Variants in DSCAM observed in about 807,000 individuals in gnomAD.
The protein encoded by DSCAM is DS cell adhesion molecule.
Under a neutral mutation model 217.7 loss-of-function variants are expected in DSCAM, and 47 were observed. The observed-to-expected ratio is 0.22, with a 90% CI of 0.17 to 0.28. The LOEUF (loss-of-function observed/expected upper bound fraction) is 0.28. Among genes scored for constraint, DSCAM ranks in the 10% least tolerant of loss-of-function variants. The probability of loss-of-function intolerance (pLI) is 1.00; values close to 1 mark genes in which losing one functional copy is unlikely to be tolerated. For synonymous variants in DSCAM, 1,056 were observed against 1,015.3 expected (o/e 1.04, Z -0.76); for missense variants, 2,080 against 2,618.3 (o/e 0.79, Z 4.49).
At chr21:40,061,585 AG>A (rs1320864692) in intron 28 of DSCAM, among the ~76,000 whole-genome samples, 4,680 of 92,058 alleles carry the variant, frequency 0.051, 151 homozygotes, top group African/African-American at 0.094. Flanking sequence ...AAAAAAAAAA[AG>A]AAAAAGGAAA....
At chr21:40,437,552 A>C (rs2075594011) in intron 3 of DSCAM, among the ~76,000 whole-genome samples, 1 of 152,204 alleles carries the variant, frequency 6.6e-6, no homozygotes, top group Admixed American at 6.5e-5. Context: ...AAGTTCACAG[A>C]CCTTAAAAGA....
At chr21:40,412,864 A>G (rs12482239) in intron 3 of DSCAM, among the ~76,000 whole-genome samples, 8,848 of 152,222 alleles carry the variant, frequency 0.058, 503 homozygotes, top group Admixed American at 0.17. Flanking sequence ...CACAGACCTG[A>G]AGGAAAAAGT....
chr21:40,509,601 C>A (rs985056339), intron 3 of DSCAM, among the ~76,000 whole-genome samples: 2 of 152,170 alleles, frequency 1.3e-5, no homozygotes, highest in Non-Finnish European at 2.9e-5. Flanking sequence ...TGAGGAAAAC[C>A]AGACACAGAC....
At chr21:40,472,935 G>A (rs1440585364) in intron 3 of DSCAM, among the ~76,000 whole-genome samples, 2 of 152,248 alleles carry the variant, frequency 1.3e-5, no homozygotes, top group African/African-American at 2.4e-5. Flanking sequence ...ACACAGCTGT[G>A]CACTTCATAT....
intron 1 of DSCAM, among the ~76,000 whole-genome samples, chr21:40,821,491 T>C (rs1208140928): frequency 6.6e-6 from 1 of 152,020 alleles, no homozygotes; most frequent in African/African-American, 2.4e-5. Context: ...TTCCCTAGGA[T>C]TCTGTGGCAA....
intron 3 of DSCAM, among the ~76,000 whole-genome samples, chr21:40,387,950 C>T (rs1204896446): frequency 1.3e-5 from 2 of 151,732 alleles, no homozygotes; most frequent in South Asian, 2.1e-4. Context: ...AATAAATCTA[C>T]AGAAATTACT....
At chr21:40,158,169 C>T (rs1392575396) in intron 16 of DSCAM, among the ~76,000 whole-genome samples, 1 of 152,048 alleles carries the variant, frequency 6.6e-6, no homozygotes, top group Admixed American at 6.5e-5. Flanking sequence ...AGGACCGCTG[C>T]AGGTCAGGAA....
At position 40,586,329 on chromosome 21, in the gene DSCAM, C is replaced by G. The variant is rs75573326; in HGVS notation, c.508+106481G>C. Among the ~76,000 whole-genome samples the G allele has an allele frequency of 2.9e-3, 442 of 152,300 alleles. 5 individuals carry two copies. The East Asian group carries it at 0.033, about 11-fold the overall frequency. ...AATGAACCTATTTCTTTATAAATTA[C>G]CCAGTCTCACGTAATCCTTTACAGC... On this transcript the variant is annotated intron_variant, in intron 3 of 32. Transcript: ENST00000400454.
At chr21:40,218,289 G>A (rs1170151291) in intron 11 of DSCAM, among the ~76,000 whole-genome samples, 1 of 152,118 alleles carries the variant, frequency 6.6e-6, no homozygotes, top group Non-Finnish European at 1.5e-5. Flanking sequence ...CTTTATCAAT[G>A]CTAAGATGAT....
At chr21:40,523,493 C>T (rs1043792277) in intron 3 of DSCAM, among the ~76,000 whole-genome samples, 6 of 151,976 alleles carry the variant, frequency 3.9e-5, no homozygotes, top group Non-Finnish European at 8.8e-5. Flanking sequence ...CGGTGAATGC[C>T]GCAGAGTTTC....
Position 40,078,760 on chromosome 21 carries a change from C to T in DSCAM, c.4638G>A (p.Leu1546=), listed in dbSNP as rs930615391. 5 of 1,614,234 alleles carry T rather than the reference C, an allele frequency of 3.1e-6. No homozygotes were observed. The African/African-American group carries it at 5.3e-5, about 17-fold the overall frequency. ...YDLQEATWYE[L]QMRVCNSAGC... ...CCGCACTGTTGCACACCCGCATCTG[C>T]AGCTCATACCAGGTGGCTTCCTGCA... The change falls in exon 26 of 33, where the codon CTG becomes CTA. Residue 1546 remains leucine, a synonymous_variant. Coordinates refer to ENST00000400454, the MANE Select transcript of DSCAM (RefSeq NM_001389.5).
intron 1 of DSCAM, among the ~76,000 whole-genome samples, chr21:40,777,846 A>G (rs1212300826): frequency 6.6e-6 from 1 of 152,202 alleles, no homozygotes; most frequent in Non-Finnish European, 1.5e-5. Flanking sequence ...ACACACTTTG[A>G]CAAAATTACA....
chr21:40,475,538 C>G (rs2075926297), intron 3 of DSCAM, among the ~76,000 whole-genome samples: 1 of 152,194 alleles, frequency 6.6e-6, no homozygotes, highest in Non-Finnish European at 1.5e-5. Context: ...CACGAAAGTG[C>G]TGACTTTCCC....
At chr21:40,431,646 G>T (rs1216345787) in intron 3 of DSCAM, among the ~76,000 whole-genome samples, 2 of 152,134 alleles carry the variant, frequency 1.3e-5, no homozygotes, top group Admixed American at 6.5e-5. Context: ...CAAGATTATT[G>T]TAAGAGGACA....
chr21:40,302,261 G>A (rs556832147), intron 9 of DSCAM, among the ~76,000 whole-genome samples: 18 of 152,174 alleles, frequency 1.2e-4, no homozygotes, highest in African/African-American at 4.1e-4. Context: ...TTGTGGGAGG[G>A]ATCCAGTGGG....
At chr21:40,684,330 C>T (rs749000756) in intron 3 of DSCAM, among the ~76,000 whole-genome samples, 11 of 152,198 alleles carry the variant, frequency 7.2e-5, no homozygotes, top group Non-Finnish European at 1.3e-4. Flanking sequence ...AGCGGGGTGG[C>T]TCCTAGACTG....
chr21:40,195,607 C>T (rs1242822943), intron 11 of DSCAM, among the ~76,000 whole-genome samples: 1 of 152,110 alleles, frequency 6.6e-6, no homozygotes, highest in Non-Finnish European at 1.5e-5. Flanking sequence ...AGTGTTTTAA[C>T]ACAGGAAGTC....
chr21:40,700,641 T>A (rs528075094), intron 2 of DSCAM, among the ~76,000 whole-genome samples: 1 of 152,270 alleles, frequency 6.6e-6, no homozygotes, highest in East Asian at 1.9e-4. Flanking sequence ...GTTTATGTAT[T>A]AGGGTAATGC....
chr21:40,578,813 A>C (rs1219453284), intron 3 of DSCAM, among the ~76,000 whole-genome samples: 1 of 152,182 alleles, frequency 6.6e-6, no homozygotes, highest in Non-Finnish European at 1.5e-5. Context: ...TCAGTTTTAG[A>C]ATCCATCCCT....
Sources: gnomAD v4.1 joint callset for allele counts (sites outside exome capture counted in the v4.1 genomes callset) on GRCh38, gnomAD v4.1.1 for gene constraint, MANE v1.5 for transcripts, NCBI Gene and HGNC (gene_info 2026-07-23, HGNC 2026-07-21) for gene names.